The following TMEM242 variants were observed in gnomAD, a reference collection of about 807,000 sequenced individuals.
TMEM242 encodes the protein UPF0463 transmembrane protein C6orf35.
Under a neutral mutation model 18.2 loss-of-function variants are expected in TMEM242, and 10 were observed. The observed-to-expected ratio is 0.55, with a 90% confidence interval of 0.34 to 0.93. The LOEUF is 0.93. Ranked by LOEUF, TMEM242 falls within the 40% of genes least tolerant of loss-of-function variation. The pLI is 0.02. For missense variants in TMEM242, 186 were observed against 175.5 expected (o/e 1.06, Z -0.34); for synonymous variants, 57 against 69.9 (o/e 0.81, Z 0.92).
chr6:157,299,954 T>C (rs1253309834), intron 3 of TMEM242: 8 of 1,577,444 alleles, frequency 5.1e-6, no homozygotes, highest in Middle Eastern at 2.1e-4. Context: ...CTTACTGTGA[T>C]GAGCGGGCTC....
At chr6:157,315,404 C>T (rs1778370963) in intron 3 of TMEM242, among the ~76,000 whole-genome samples, 1 of 152,180 alleles carries the variant, frequency 6.6e-6, no homozygotes, top group Admixed American at 6.5e-5. Flanking sequence ...AAAGATATGA[C>T]CTTGAAAAGG....
At chr6:157,310,975 T>G (rs1778032212) in intron 3 of TMEM242, among the ~76,000 whole-genome samples, 1 of 146,942 alleles carries the variant, frequency 6.8e-6, no homozygotes, top group Non-Finnish European at 1.5e-5. Context: ...CTCATCATAG[T>G]GTCCCAGTAT....
chr6:157,299,521 A>C lies in TMEM242; in HGVS notation c.328-6522T>G. On this transcript the variant is annotated intron_variant, in intron 3 of 3. Coordinates refer to ENST00000400788, the MANE Select transcript of TMEM242 (RefSeq NM_018452.6). ...AACAAAAACGAGCAGTATCCAGATT[A>C]CAGCCGCTTCCAATAACACGGTTTT... 15 of 1,468,200 alleles carry C rather than the reference A, an allele frequency of 1.0e-5. 1 individual carries two copies. The highest frequency in any genetic ancestry group is 1.4e-5 in the Non-Finnish European group (15 of 1,050,256). The allele number at this position is 1,468,200 out of a possible 1,614,324, so 90.9% of individuals were successfully genotyped here.
rs1777684775 is a variant in TMEM242 at position 157,291,565 on chromosome 6, C to T, written c.*1336G>A. 1 of 152,202 alleles carries T rather than the reference C, an allele frequency of 6.6e-6. No homozygotes were observed. The highest frequency in any genetic ancestry group is 2.4e-5 in the African/African-American group (1 of 41,442). The allele number at this position is 152,202 out of a possible 1,614,324, so 9.4% of individuals were successfully genotyped here. A position where few individuals can be genotyped will look rare whatever the true frequency, so the allele number is the denominator to read the frequency against. ...AAAGGCAGTGAAGAGTTTTTGCTAC[C>T]CGCATTCACTGACCAATTTCACAAT... is the stretch of plus-strand genomic sequence containing the variant. On this transcript the variant is annotated 3_prime_UTR_variant, in exon 4 of 4. Transcript: ENST00000400788.
chr6:157,315,195 C>T (rs1203956419), intron 3 of TMEM242, among the ~76,000 whole-genome samples: 4 of 152,318 alleles, frequency 2.6e-5, no homozygotes, highest in Non-Finnish European at 4.4e-5. Flanking sequence ...ACTCTCTAAA[C>T]GTTGAGCTGA....
chr6:157,303,191 C>G (rs1554247640), intron 3 of TMEM242, among the ~76,000 whole-genome samples: 1 of 152,212 alleles, frequency 6.6e-6, no homozygotes, highest in Non-Finnish European at 1.5e-5. Flanking sequence ...TAGAACAGAG[C>G]TGGGCCCACG....
Position 157,301,674 on chromosome 6 carries a change from C to T in TMEM242, c.328-8675G>A, listed in dbSNP as rs377639928. Reference sequence around the variant, plus strand: ...CAGGGCTGGACGCAGTGGCTCACACCTGTAATCCCAGCACTTTGGAGGCTG... The same window carrying T: ...CAGGGCTGGACGCAGTGGCTCACACTTGTAATCCCAGCACTTTGGAGGCTG... On this transcript the variant is annotated intron_variant, in intron 3 of 3. Transcript: ENST00000400788. Among the ~76,000 whole-genome samples, 625 of 152,260 alleles carry T rather than the reference C, an allele frequency of 4.1e-3. 2 individuals carry two copies. Among genetic ancestry groups the T allele is most frequent in the Non-Finnish European group, 5.5e-3 (373 of 68,030 alleles).
intron 3 of TMEM242, chr6:157,299,979 G>T: frequency 1.4e-6 from 2 of 1,434,758 alleles, no homozygotes; most frequent in Non-Finnish European, 2.0e-6. Context: ...GAAGTGAAGC[G>T]CTCAACAAGC....
intron 3 of TMEM242, among the ~76,000 whole-genome samples, chr6:157,313,170 G>A (rs1583571093): frequency 4.1e-5 from 6 of 147,542 alleles, no homozygotes; most frequent in Admixed American, 2.0e-4. Flanking sequence ...TCATCATAGT[G>A]TCCCACTGTG....
intron 3 of TMEM242, chr6:157,300,197 G>C (rs1371198393): frequency 4.3e-6 from 2 of 470,404 alleles, no homozygotes; most frequent in Admixed American, 3.4e-5. Flanking sequence ...AACGCCAAGA[G>C]AGCCATTAGC....
intron 3 of TMEM242, chr6:157,299,643 C>T (rs1777800175): frequency 2.5e-6 from 4 of 1,609,434 alleles, no homozygotes; most frequent in Non-Finnish European, 3.4e-6. Context: ...TGGACAATAC[C>T]GGAAATCATT....
intron 3 of TMEM242, among the ~76,000 whole-genome samples, chr6:157,303,832 G>T (rs191126032): frequency 1.3e-5 from 2 of 151,070 alleles, no homozygotes; most frequent in South Asian, 4.2e-4. Flanking sequence ...TCATGGTGGC[G>T]GGGGGAGGGG....
At position 157,289,384 on chromosome 6, in the gene TMEM242, A is replaced by C. The variant is rs1777654257; in HGVS notation, c.*3517T>G. The C allele has an allele frequency of 1.3e-5, 2 of 152,216 alleles. No individual in the cohort carries two copies. The highest frequency in any genetic ancestry group is 2.9e-5 in the Non-Finnish European group (2 of 68,040). The allele number at this position is 152,216 out of a possible 1,614,324, so 9.4% of individuals were successfully genotyped here. On this transcript the variant is annotated 3_prime_UTR_variant, in exon 4 of 4. Transcript: ENST00000400788. ...TCCTGATAACACCAAGAGAGACCCA[A>C]ATACTTGCTATATCATTTAATGACT...
chr6:157,291,156 A>T lies in TMEM242; in HGVS notation c.*1745T>A, dbSNP rs1554246815. 1 of 152,180 alleles carries T rather than the reference A, an allele frequency of 6.6e-6. No individual in the cohort carries two copies. Among genetic ancestry groups the T allele is most frequent in the Non-Finnish European group, 1.5e-5 (1 of 68,034 alleles). The allele number at this position is 152,180 out of a possible 1,614,324, so 9.4% of individuals were successfully genotyped here. On this transcript the variant is annotated 3_prime_UTR_variant, in exon 4 of 4. Coordinates refer to ENST00000400788, the MANE Select transcript of TMEM242 (RefSeq NM_018452.6). ...CCATTAACAGAATCAGTTAACAATG[A>T]TTTCTCCTTTTAACACTCCAGACAG...
intron 3 of TMEM242, among the ~76,000 whole-genome samples, chr6:157,312,842 A>C (rs62425589): frequency 9.2e-5 from 1 of 10,908 alleles, no homozygotes; most frequent in African/African-American, 5.0e-4. Context: ...CACAGTGTGC[A>C]CTCACCTGGC....
In TMEM242 at chr6:157,314,683, G is replaced by C. The variant is rs587722661; in HGVS notation, c.327+4099C>G. Among the ~76,000 whole-genome samples, 38 of 152,154 alleles carry C rather than the reference G, an allele frequency of 2.5e-4. No individual in the cohort carries two copies. In the South Asian group the frequency reaches 7.3e-3, roughly 29 times the overall value. The stretch of plus-strand genomic sequence containing the variant: ...CTACCTCTCCTTCTTTAGATCCTCT[G>C]GTTAAATGATATAACAGTGTGTAAA... On this transcript the variant is annotated intron_variant, in intron 3 of 3. Coordinates refer to ENST00000400788, the MANE Select transcript of TMEM242 (RefSeq NM_018452.6).
intron 3 of TMEM242, among the ~76,000 whole-genome samples, chr6:157,309,895 T>C (rs782279372): frequency 7.9e-5 from 12 of 151,874 alleles, no homozygotes; most frequent in Non-Finnish European, 1.2e-4. Flanking sequence ...AAATTCCTAC[T>C]ATACTAGGCA....
intron 3 of TMEM242, among the ~76,000 whole-genome samples, chr6:157,304,237 A>G (rs1480777668): frequency 6.6e-6 from 1 of 152,102 alleles, no homozygotes; most frequent in Non-Finnish European, 1.5e-5. Context: ...AGGCCGAGGC[A>G]GGTGGATCAC....
chr6:157,295,497 A>G (rs9365253), intron 3 of TMEM242, among the ~76,000 whole-genome samples: 4,750 of 152,304 alleles, frequency 0.031, 109 homozygotes, highest in East Asian at 0.15. Flanking sequence ...TAGCCAAGAC[A>G]TGAACAGAAT....
Sources: gnomAD v4.1 joint callset for allele counts (sites outside exome capture counted in the v4.1 genomes callset) on GRCh38, gnomAD v4.1.1 for gene constraint, MANE v1.5 for transcripts, NCBI Gene and HGNC (gene_info 2026-07-23, HGNC 2026-07-21) for gene names.